UTRN: variants seen among roughly 807,000 people sequenced by gnomAD.
UTRN encodes dystrophin-related protein 1.
Under a neutral mutation model 463.9 loss-of-function variants are expected in UTRN, and 283 were observed. The ratio of observed to expected loss-of-function variants is 0.61; its 90% CI spans 0.55 to 0.67. The LOEUF is 0.67. Ranked by LOEUF, UTRN falls within the 30% of genes least tolerant of loss-of-function variation. The pLI is 0.00. For synonymous variants in UTRN, 1,442 were observed against 1,431.5 expected, an observed-to-expected ratio of 1.01 and a Z score of -0.17; for missense variants, 3,922 against 4,084.3, an observed-to-expected ratio of 0.96 and a Z score of 1.08.
intron 54 of UTRN, among the ~76,000 whole-genome samples, chr6:144,736,356 G>A (rs1405465157): frequency 6.6e-6 from 1 of 152,130 alleles, no homozygotes; most frequent in African/African-American, 2.4e-5. Flanking sequence ...TGTGTACCAT[G>A]CTATAAGGAC....
intron 51 of UTRN, among the ~76,000 whole-genome samples, chr6:144,629,342 C>T (rs1465077878): frequency 6.6e-6 from 1 of 152,138 alleles, no homozygotes; most frequent in African/African-American, 2.4e-5. Flanking sequence ...GCCACCGATG[C>T]CAGTTTCTTG....
At position 144,569,945 on chromosome 6, in the gene UTRN, A is replaced by T. The variant is rs6908674; in HGVS notation, c.7290-7154A>T. On this transcript the variant is annotated intron_variant, in intron 50 of 74. Coordinates refer to ENST00000367545, the MANE Select transcript of UTRN (RefSeq NM_007124.3). Reference sequence around the variant, plus strand: ...GAAGTTGGAAAAGAAGAGGAACCAGATTCACCCCTAGACCCTCCAGAAATA... The same window carrying T: ...GAAGTTGGAAAAGAAGAGGAACCAGTTTCACCCCTAGACCCTCCAGAAATA... Among the ~76,000 whole-genome samples the T allele has an allele frequency of 3.7e-3, 569 of 152,298 alleles. 1 individual carries two copies. The highest frequency in any genetic ancestry group is 0.013 in the African/African-American group (552 of 41,566).
At chr6:144,592,790 A>G (rs943970561) in intron 51 of UTRN, among the ~76,000 whole-genome samples, 3 of 152,224 alleles carry the variant, frequency 2.0e-5, no homozygotes, top group Non-Finnish European at 4.4e-5. Context: ...GGCAATACCA[A>G]TTAAAAATAT....
intron 51 of UTRN, among the ~76,000 whole-genome samples, chr6:144,592,152 A>T (rs1803143530): frequency 6.6e-6 from 1 of 152,100 alleles, no homozygotes; most frequent in Non-Finnish European, 1.5e-5. Flanking sequence ...TGACTTTTTT[A>T]AAACAATGTA....
intron 49 of UTRN, among the ~76,000 whole-genome samples, chr6:144,556,322 G>C (rs1434071425): frequency 1.3e-5 from 2 of 152,204 alleles, no homozygotes; most frequent in East Asian, 1.9e-4. Flanking sequence ...GGATCATTCT[G>C]TGTGTTTGTG....
chr6:144,772,505 T>C (rs1562890002), intron 59 of UTRN, among the ~76,000 whole-genome samples: 4 of 152,046 alleles, frequency 2.6e-5, no homozygotes, highest in Admixed American at 2.6e-4. Context: ...CCAAAAAGAG[T>C]TGATTTACAG....
intron 51 of UTRN, among the ~76,000 whole-genome samples, chr6:144,666,185 G>GCCTCCCATGCTGACAT (rs950914933): frequency 1.3e-5 from 2 of 152,168 alleles, no homozygotes; most frequent in African/African-American, 4.8e-5. Context: ...TGATCTGACA[G>GCCTCCCATGCTGACAT]CCTCCCATGC....
At chr6:144,707,256 G>C (rs1457354633) in intron 53 of UTRN, among the ~76,000 whole-genome samples, 4 of 152,058 alleles carry the variant, frequency 2.6e-5, no homozygotes, top group Non-Finnish European at 5.9e-5. Context: ...TTTGTTCCCA[G>C]TTGAGAATGT....
rs754267743 is a variant in UTRN, at chr6:144,781,971, G to T, written c.8682G>T (p.Lys2894Asn). The change falls in exon 61 of 75, where the codon AAG becomes AAT. Residue 2894 changes from lysine to asparagine, a missense_variant. Coordinates refer to ENST00000367545, the MANE Select transcript of UTRN (RefSeq NM_007124.3). ...CAAATGAAATTTTCAAACAGCACAA[G>T]TTGAACCAAAATGACCAGCTCCTCA... ...STTNEIFKQH[K>N]LNQNDQLLSV... The T allele has an allele frequency of 1.4e-5, 22 of 1,614,026 alleles. No homozygotes were observed. The South Asian group carries it at 1.9e-4, about 14-fold the overall frequency.
At position 144,429,588 on chromosome 6, in the gene UTRN, C is replaced by T. The variant is rs115518767; in HGVS notation, c.702C>T (p.Ala234=). 25 of 1,598,268 alleles carry T rather than the reference C, an allele frequency of 1.6e-5. No individual in the cohort carries two copies. The highest frequency in any genetic ancestry group is 1.1e-4 in the East Asian group (5 of 44,662). ...IEKLLDPEDV[A]VQLPDKKSII... The stretch of plus-strand genomic sequence containing the variant: ...ATATTCTTCCACTTTTAGATGTTGC[C>T]GTTCAGCTTCCTGACAAGAAATCCA... Residue 234 remains alanine, a synonymous_variant, in exon 9 of 75, where the codon GCC becomes GCT. Transcript: ENST00000367545.
Position 144,754,729 on chromosome 6 carries a change from G to A in UTRN, c.8365G>A (p.Asp2789Asn), listed in dbSNP as rs1335599792. The A allele has an allele frequency of 6.2e-7, 1 of 1,613,448 alleles. No homozygotes were observed. Among genetic ancestry groups the A allele is most frequent in the Non-Finnish European group, 8.5e-7 (1 of 1,179,680 alleles). The change falls in exon 57 of 75, where the codon GAT becomes AAT. Residue 2789 changes from aspartate to asparagine, a missense_variant. Asp to Asn is a conservative substitution (Grantham distance 23, BLOSUM62 1). Coordinates refer to ENST00000367545, the MANE Select transcript of UTRN (RefSeq NM_007124.3). ...ATGTGTATGTGTGCAGGTTTCTGTG[G>A]ATGATCGCCTTAAACAGCTTCAGGA... ...MRWKLLQVSV[D>N]DRLKQLQEAH...
At chr6:144,489,027 G>GTTT (rs1554267593) in intron 30 of UTRN, among the ~76,000 whole-genome samples, 193 bp downstream of exon 30, 1 of 148,354 alleles carries the variant, frequency 6.7e-6, no homozygotes, top group Non-Finnish European at 1.5e-5. Context: ...GTCTTATATA[G>GTTT]TTTATTTTAT....
chr6:144,544,091 T>C (rs938690748), intron 46 of UTRN, among the ~76,000 whole-genome samples: 4 of 152,206 alleles, frequency 2.6e-5, no homozygotes, highest in African/African-American at 9.6e-5. Flanking sequence ...AAAATTTGAA[T>C]ACATATTTAG....
At chr6:144,448,222 G>A (rs1003634970) in intron 16 of UTRN, among the ~76,000 whole-genome samples, 19 of 152,130 alleles carry the variant, frequency 1.2e-4, no homozygotes, top group African/African-American at 4.1e-4. Context: ...ACAAAAGAAC[G>A]AAGTATTGAC....
chr6:144,618,013 C>G (rs1006856473), intron 51 of UTRN, among the ~76,000 whole-genome samples: 2 of 152,132 alleles, frequency 1.3e-5, no homozygotes, highest in Admixed American at 6.6e-5. Context: ...TATTGTTTCT[C>G]TAAAAGCTTG....
At chr6:144,644,614 T>C (rs1444134886) in intron 51 of UTRN, among the ~76,000 whole-genome samples, 1 of 152,196 alleles carries the variant, frequency 6.6e-6, no homozygotes, top group East Asian at 1.9e-4. Flanking sequence ...TCCCTGGCAG[T>C]GTTTTAGTTA....
chr6:144,774,388 T>C lies in UTRN; in HGVS notation c.8632+24T>C, dbSNP rs538734199. On this transcript the variant is annotated intron_variant, in intron 60 of 74. Transcript: ENST00000367545. ...TTGTGAGTTATTCTACCAAAGTTAA[T>C]CAATCTGTTACTTGAATTGCGTTTT... is the stretch of plus-strand genomic sequence containing the variant. 4.5e-6 allele frequency: 7 copies of C among 1,546,802 alleles called. No individual in the cohort carries two copies. The South Asian group carries it at 7.4e-5, about 16-fold the overall frequency.
intron 3 of UTRN, among the ~76,000 whole-genome samples, chr6:144,413,608 A>G (rs1041465665): frequency 2.0e-5 from 3 of 152,108 alleles, no homozygotes; most frequent in Admixed American, 6.5e-5. Flanking sequence ...AGGAGCTACA[A>G]TTCGAGAGTT....
In UTRN at chr6:144,409,579, G is replaced by A. The variant is rs150845569; in HGVS notation, c.141+6395G>A. Among the ~76,000 whole-genome samples, 28 of 152,238 alleles carry A rather than the reference G, an allele frequency of 1.8e-4. No individual in the cohort carries two copies. The East Asian group carries it at 5.0e-3, about 27-fold the overall frequency. ...GCAGGGAAGGGTGGGCTTATGCCAG[G>A]GTGGGAAGTAAGGTATCAAGAGGGG... is the stretch of plus-strand genomic sequence containing the variant. On this transcript the variant is annotated intron_variant, in intron 3 of 74. Coordinates refer to ENST00000367545, the MANE Select transcript of UTRN (RefSeq NM_007124.3).
Sources: gnomAD v4.1 joint callset for allele counts (sites outside exome capture counted in the v4.1 genomes callset) on GRCh38, gnomAD v4.1.1 for gene constraint, MANE v1.5 for transcripts, NCBI Gene and HGNC (gene_info 2026-07-23, HGNC 2026-07-21) for gene names.